Variants in SPAG16 observed in about 807,000 individuals in gnomAD.
SPAG16 encodes the protein sperm-associated antigen 16 protein.
In SPAG16, 86 loss-of-function variants were observed where a neutral mutation model predicts 80.4. The ratio of observed to expected loss-of-function variants is 1.07; its 90% CI spans 0.90 to 1.28. The LOEUF (loss-of-function observed/expected upper bound fraction) is 1.28, where lower values mean the gene tolerates loss of function less well. Ranked by LOEUF, SPAG16 falls within the 50% of genes most tolerant of loss-of-function variation. The pLI, the probability that SPAG16 is intolerant of heterozygous loss-of-function variation, is 0.00. For synonymous variants in SPAG16, 294 were observed against 265.9 expected, an observed-to-expected ratio of 1.11 and a Z score of -1.03; for missense variants, 870 against 765.3, an observed-to-expected ratio of 1.14 and a Z score of -1.61.
In SPAG16 at chr2:214,071,535, C is replaced by T. The variant is rs564834074; in HGVS notation, c.1528-36661C>T. On this transcript the variant is annotated intron_variant, in intron 13 of 15. Transcript: ENST00000331683. ...AAGGAAAACCATTTGCATAGATGAC[C>T]GACCTTGAAAAACTAAGGTACTGAT... 8.6e-5 allele frequency among the ~76,000 whole-genome samples: 13 copies of T among 152,030 alleles called. No individual in the cohort carries two copies. In the East Asian group the frequency reaches 2.5e-3, roughly 29 times the overall value.
At chr2:213,422,232 A>G (rs770812689) in intron 9 of SPAG16, 65 of 701,736 alleles carry the variant, frequency 9.3e-5, no homozygotes, top group Non-Finnish European at 1.5e-4. Flanking sequence ...GGGGCTGTGC[A>G]GTTTCAGATG....
intron 15 of SPAG16, among the ~76,000 whole-genome samples, chr2:214,318,934 C>A (rs1232809282): frequency 1.3e-5 from 2 of 152,106 alleles, no homozygotes; most frequent in African/African-American, 4.8e-5. Flanking sequence ...AAGATGCTAC[C>A]CTTTTCCAGC....
intron 15 of SPAG16, among the ~76,000 whole-genome samples, chr2:214,375,971 G>T (rs1032383435): frequency 7.2e-5 from 11 of 151,824 alleles, no homozygotes; most frequent in Non-Finnish European, 8.8e-5. Flanking sequence ...TTCTTTCTTG[G>T]TGGCACATAA....
At chr2:213,744,532 C>T (rs567333708) in intron 10 of SPAG16, among the ~76,000 whole-genome samples, 1 of 152,196 alleles carries the variant, frequency 6.6e-6, no homozygotes, top group East Asian at 1.9e-4. Flanking sequence ...AATATATTAT[C>T]ATTACCTAGT....
chr2:213,550,674 A>T (rs1373359180), intron 10 of SPAG16, among the ~76,000 whole-genome samples: 2 of 152,124 alleles, frequency 1.3e-5, no homozygotes, highest in African/African-American at 4.8e-5. Flanking sequence ...ATTATGCATT[A>T]TATTCACTGT....
chr2:213,702,708 T>G (rs1174807067), intron 10 of SPAG16, among the ~76,000 whole-genome samples: 1 of 152,244 alleles, frequency 6.6e-6, no homozygotes, highest in Non-Finnish European at 1.5e-5. Flanking sequence ...AATGTTCCAG[T>G]ACAGTGAATT....
intron 15 of SPAG16, among the ~76,000 whole-genome samples, chr2:214,323,388 A>G (rs1017071174): frequency 1.3e-4 from 20 of 152,048 alleles, no homozygotes; most frequent in African/African-American, 4.3e-4. Flanking sequence ...TAAGAAAAGA[A>G]TTTATGTCTA....
chr2:213,548,837 A>G (rs950839675), intron 10 of SPAG16, among the ~76,000 whole-genome samples: 5 of 152,160 alleles, frequency 3.3e-5, no homozygotes, highest in African/African-American at 1.2e-4. Flanking sequence ...TGAATAAAAA[A>G]TTATAAAAAC....
At chr2:213,562,312 C>G (rs1228663715) in intron 10 of SPAG16, among the ~76,000 whole-genome samples, 1 of 152,026 alleles carries the variant, frequency 6.6e-6, no homozygotes, top group East Asian at 1.9e-4. Context: ...TGCTTTTGCC[C>G]TTTGTGGTGT....
chr2:213,401,752 G>A (rs2068320527), intron 9 of SPAG16, among the ~76,000 whole-genome samples: 1 of 151,746 alleles, frequency 6.6e-6, no homozygotes, highest in South Asian at 2.1e-4. Context: ...CATGTTTTTG[G>A]ACGTGTTTCT....
chr2:213,997,795 T>C (rs79754619), intron 12 of SPAG16, among the ~76,000 whole-genome samples: 256 of 152,298 alleles, frequency 1.7e-3, no homozygotes, highest in African/African-American at 6.0e-3. Flanking sequence ...TAATTTATGT[T>C]GGACCACATT....
At chr2:213,881,572 C>A (rs776470802) in intron 11 of SPAG16, among the ~76,000 whole-genome samples, 2 of 152,100 alleles carry the variant, frequency 1.3e-5, no homozygotes, top group African/African-American at 4.8e-5. Context: ...AACTTACAAT[C>A]GTGGCAGAAG....
At chr2:213,680,258 G>A (rs1402456435) in intron 10 of SPAG16, among the ~76,000 whole-genome samples, 3 of 152,050 alleles carry the variant, frequency 2.0e-5, no homozygotes. Flanking sequence ...CCTTTGATAA[G>A]GAGCCTTGTT....
intron 12 of SPAG16, among the ~76,000 whole-genome samples, chr2:213,930,657 T>C (rs2078709007): frequency 6.6e-6 from 1 of 152,250 alleles, no homozygotes; most frequent in African/African-American, 2.4e-5. Context: ...TAAAATCCTA[T>C]ACATATCATG....
At chr2:213,630,277 G>A (rs1055860845) in intron 10 of SPAG16, among the ~76,000 whole-genome samples, 3 of 152,154 alleles carry the variant, frequency 2.0e-5, no homozygotes, top group African/African-American at 7.2e-5. Flanking sequence ...CGAGCTACTC[G>A]GGAGGCTGAG....
At chr2:213,330,412 G>T (rs903590361) in intron 5 of SPAG16, among the ~76,000 whole-genome samples, 4 of 152,208 alleles carry the variant, frequency 2.6e-5, no homozygotes, top group Non-Finnish European at 4.4e-5. Flanking sequence ...TGGAGTCAAA[G>T]GAGATCATTT....
chr2:213,956,045 C>T (rs1278477523), intron 12 of SPAG16, among the ~76,000 whole-genome samples: 3 of 151,984 alleles, frequency 2.0e-5, no homozygotes, highest in African/African-American at 7.2e-5. Flanking sequence ...GCAATCTCCG[C>T]CTCCCAGGTT....
intron 14 of SPAG16, among the ~76,000 whole-genome samples, chr2:214,141,830 C>T (rs766122814): frequency 6.6e-5 from 10 of 152,270 alleles, no homozygotes; most frequent in Non-Finnish European, 4.4e-5. Context: ...TAATATCCCA[C>T]ATTTTTCATT....
intron 15 of SPAG16, among the ~76,000 whole-genome samples, chr2:214,153,592 G>A (rs1052452318): frequency 2.6e-5 from 4 of 152,034 alleles, no homozygotes; most frequent in African/African-American, 9.7e-5. Flanking sequence ...ATTCCTTTTA[G>A]GGATGAGAGA....
Sources: allele counts gnomAD v4.1 joint callset (sites outside exome capture counted in the v4.1 genomes callset), GRCh38; gene constraint gnomAD v4.1.1; transcripts MANE v1.5; gene names NCBI Gene and HGNC (gene_info 2026-07-23, HGNC 2026-07-21).